ATP10B: variants seen among roughly 807,000 people sequenced by gnomAD.
ATP10B encodes the protein ATPase phospholipid transporting 10B (putative), also known as phospholipid-transporting ATPase VB.
Under a neutral mutation model 141.2 loss-of-function variants are expected in ATP10B, and 122 were observed. That is an observed-to-expected ratio of 0.86 (90% CI 0.75 to 1.00). The LOEUF (loss-of-function observed/expected upper bound fraction) is 1.00, where lower values mean the gene tolerates loss of function less well. Ranked by LOEUF, ATP10B falls within the 50% of genes least tolerant of loss-of-function variation. The pLI is 0.00. For missense variants in ATP10B, 1,876 were observed against 1,825.3 expected, an observed-to-expected ratio of 1.03 and a Z score of -0.51; for synonymous variants, 685 against 692.0, an observed-to-expected ratio of 0.99 and a Z score of 0.16.
At chr5:160,802,085 G>T (rs562511163) in intron 1 of ATP10B, among the ~76,000 whole-genome samples, 1 of 152,288 alleles carries the variant, frequency 6.6e-6, no homozygotes, top group East Asian at 1.9e-4. Context: ...ACGTTGAAGG[G>T]ATTTCTGCGA....
intron 1 of ATP10B, among the ~76,000 whole-genome samples, chr5:160,800,391 A>T (rs921847000): frequency 6.6e-6 from 1 of 152,222 alleles, no homozygotes; most frequent in African/African-American, 2.4e-5. Context: ...CATAATGATA[A>T]TAGTAATAAT....
At chr5:160,906,509 T>C in the ATP10B span, among the ~76,000 whole-genome samples, 1 of 152,332 alleles carries the variant, frequency 6.6e-6, no homozygotes, top group South Asian at 2.1e-4. Flanking sequence ...TCCTCTCACC[T>C]CTTTCCTGTC....
chr5:160,818,899 AC>A (rs1265324254), intron 1 of ATP10B, among the ~76,000 whole-genome samples: 1 of 152,206 alleles, frequency 6.6e-6, no homozygotes, highest in Non-Finnish European at 1.5e-5. Flanking sequence ...TATTTCAAGG[AC>A]AAAAAACCAA....
intron 6 of ATP10B, among the ~76,000 whole-genome samples, chr5:160,671,123 C>T (rs950903367): frequency 6.8e-6 from 1 of 146,148 alleles, no homozygotes; most frequent in Non-Finnish European, 1.5e-5. Context: ...CGAGATTGCG[C>T]CACTGCACTC....
chr5:160,911,320 C>T, the ATP10B span, among the ~76,000 whole-genome samples: 23 of 152,332 alleles, frequency 1.5e-4, no homozygotes, highest in African/African-American at 4.1e-4. Context: ...TCTGCCTCCA[C>T]ATACCCTAGG....
At chr5:160,858,945 G>A in the ATP10B span, among the ~76,000 whole-genome samples, 5 of 151,776 alleles carry the variant, frequency 3.3e-5, no homozygotes, top group Admixed American at 1.3e-4. Flanking sequence ...TACTTCAATA[G>A]TGAAACATAA....
At chr5:160,918,051 C>T in the ATP10B span, among the ~76,000 whole-genome samples, 2 of 152,176 alleles carry the variant, frequency 1.3e-5, no homozygotes, top group South Asian at 2.1e-4. Flanking sequence ...AGGAGAGCTG[C>T]GTGTTCTCAT....
intron 1 of ATP10B, among the ~76,000 whole-genome samples, chr5:160,838,887 C>A (rs753594991): frequency 6.6e-6 from 1 of 152,064 alleles, no homozygotes; most frequent in East Asian, 1.9e-4. Flanking sequence ...TTAGCACCAA[C>A]CTCTTGGTGA....
chr5:160,898,096 T>C, the ATP10B span, among the ~76,000 whole-genome samples: 1 of 149,536 alleles, frequency 6.7e-6, no homozygotes, highest in Admixed American at 6.7e-5. Context: ...TAAAAGGTAA[T>C]AGCATTGGCA....
chr5:160,793,460 T>C (rs1771732540), intron 1 of ATP10B, among the ~76,000 whole-genome samples: 1 of 152,204 alleles, frequency 6.6e-6, no homozygotes, highest in Non-Finnish European at 1.5e-5. Flanking sequence ...AATTTAACTA[T>C]CCATTATGAA....
rs775044803 is a variant in ATP10B, at chr5:160,569,488, G to A, written c.3938+8C>T. 3.7e-6 allele frequency: 6 copies of A among 1,613,570 alleles called. No homozygotes were observed. The South Asian group carries it at 4.4e-5, about 12-fold the overall frequency. On this transcript the variant is annotated splice_region_variant and intron_variant, in intron 25 of 25. Coordinates refer to ENST00000327245, the MANE Select transcript of ATP10B (RefSeq NM_025153.3). Reference sequence around the variant, plus strand: ...TTTAGGAAAGAAACACAGCCCTAGTGCTCAAACCTTGGGAGAAGAGCAACA... The same window carrying A: ...TTTAGGAAAGAAACACAGCCCTAGTACTCAAACCTTGGGAGAAGAGCAACA...
intron 7 of ATP10B, among the ~76,000 whole-genome samples, chr5:160,661,858 G>T (rs1581298732): frequency 1.3e-5 from 2 of 152,134 alleles, no homozygotes; most frequent in South Asian, 4.1e-4. Context: ...AAGTCAAATT[G>T]TCCCTGTTTG....
intron 1 of ATP10B, among the ~76,000 whole-genome samples, chr5:160,800,533 T>C (rs114755962): frequency 0.012 from 1,789 of 152,322 alleles, 32 homozygotes; most frequent in Non-Finnish European, 0.013. Flanking sequence ...CGTTAGCCAT[T>C]GTTAGGGTTA....
At chr5:160,588,243 G>A (rs185392322) in intron 24 of ATP10B, among the ~76,000 whole-genome samples, 396 of 151,968 alleles carry the variant, frequency 2.6e-3, no homozygotes, top group Middle Eastern at 6.8e-3. Flanking sequence ...TTTCTTTCTC[G>A]TGCTTGATTG....
the ATP10B span, among the ~76,000 whole-genome samples, chr5:160,893,526 A>T: frequency 6.6e-6 from 1 of 152,164 alleles, no homozygotes; most frequent in Non-Finnish European, 1.5e-5. Flanking sequence ...GGCATCTCTG[A>T]AAGAAAGGCA....
At chr5:160,911,807 G>C in the ATP10B span, among the ~76,000 whole-genome samples, 1 of 152,094 alleles carries the variant, frequency 6.6e-6, no homozygotes, top group African/African-American at 2.4e-5. Flanking sequence ...GGTTATTTTA[G>C]ATACAAAAAA....
rs1467373821 is a variant in ATP10B, at chr5:160,565,836, C to A, written c.4003G>T (p.Asp1335Tyr). The change falls in exon 26 of 26, where the codon GAC becomes TAC. Residue 1335 changes from aspartate (D) to tyrosine (Y), a missense_variant. Asp to Tyr is a radical substitution (Grantham distance 160, BLOSUM62 -3). Coordinates refer to ENST00000327245, the MANE Select transcript of ATP10B (RefSeq NM_025153.3). ...KSLISKAQKIDKLPPDKRNLE... is the reference protein window; with the variant it reads ...KSLISKAQKIYKLPPDKRNLE... The stretch of plus-strand genomic sequence containing the variant: ...TTTCTTTTGTCTGGGGGGAGTTTGT[C>A]AATTTTCTGAGCTTTTGAGATTAGA... 83 of 1,613,870 alleles carry A rather than the reference C, an allele frequency of 5.1e-5. No homozygotes were observed. Among genetic ancestry groups the A allele is most frequent in the Non-Finnish European group, 7.0e-5 (83 of 1,179,962 alleles).
At chr5:160,648,924 AG>A (rs1294238481) in intron 8 of ATP10B, among the ~76,000 whole-genome samples, 49 of 105,842 alleles carry the variant, frequency 4.6e-4, no homozygotes, top group African/African-American at 1.6e-3. Flanking sequence ...TATTTTACTA[AG>A]GTTTTTTTTT....
chr5:160,757,899 C>A (rs539299131), intron 2 of ATP10B, among the ~76,000 whole-genome samples: 4 of 152,112 alleles, frequency 2.6e-5, no homozygotes, highest in Non-Finnish European at 5.9e-5. Flanking sequence ...AGCATTCTGG[C>A]CTCTACCCAT....
Sources: allele counts gnomAD v4.1 joint callset (sites outside exome capture counted in the v4.1 genomes callset), GRCh38; gene constraint gnomAD v4.1.1; transcripts MANE v1.5; gene names NCBI Gene and HGNC (gene_info 2026-07-23, HGNC 2026-07-21).